WWOX: variants seen among roughly 807,000 people sequenced by gnomAD.
WWOX encodes the protein WW domain-containing oxidoreductase.
A neutral mutation model predicts 46.2 loss-of-function variants in WWOX; 69 were observed. That is an observed-to-expected ratio of 1.49 (90% CI 1.23 to 1.82). The LOEUF is 1.82. WWOX is among the 40% of genes most tolerant of loss of function. The pLI, the probability that WWOX is intolerant of heterozygous loss-of-function variation, is 0.00. For synonymous variants in WWOX, 359 were observed against 202.6 expected, an observed-to-expected ratio of 1.77 and a Z score of -6.56; for missense variants, 919 against 542.6, an observed-to-expected ratio of 1.69 and a Z score of -6.89.
chr16:79,016,957 C>G (rs1258969228), intron 8 of WWOX: 1 of 152,222 alleles, frequency 6.6e-6, no homozygotes, highest in African/African-American at 2.4e-5. Context: ...ACCTCGACCT[C>G]GAGAAGTGCT....
intron 5 of WWOX, among the ~76,000 whole-genome samples, chr16:78,331,939 C>T (rs1448688346): frequency 2.0e-5 from 3 of 152,098 alleles, no homozygotes; most frequent in African/African-American, 4.8e-5. Context: ...GAAGTTGGAG[C>T]TGGAATTTGA....
intron 8 of WWOX, among the ~76,000 whole-genome samples, chr16:79,078,579 C>T (rs1054637624): frequency 2.6e-5 from 4 of 152,176 alleles, no homozygotes; most frequent in Non-Finnish European, 4.4e-5. Flanking sequence ...CATCCCTCGC[C>T]ATAGGAGAAT....
intron 8 of WWOX, among the ~76,000 whole-genome samples, chr16:79,073,146 A>T (rs571994159): frequency 1.9e-5 from 2 of 106,002 alleles, no homozygotes; most frequent in African/African-American, 7.1e-5. Context: ...TATAGTAGTT[A>T]TTCGTTATTA....
chr16:78,493,162 A>T (rs960141020), intron 8 of WWOX, among the ~76,000 whole-genome samples: 1 of 152,056 alleles, frequency 6.6e-6, no homozygotes, highest in African/African-American at 2.4e-5. Context: ...GGCTCGAAAA[A>T]CTTCATGTCA....
chr16:79,085,211 C>T (rs567671836), intron 8 of WWOX, among the ~76,000 whole-genome samples: 15 of 152,212 alleles, frequency 9.9e-5, no homozygotes, highest in Non-Finnish European at 1.9e-4. Flanking sequence ...CTCTTTCTCT[C>T]ACTTGACTCT....
At chr16:78,965,812 A>C (rs1300161834) in intron 8 of WWOX, among the ~76,000 whole-genome samples, 2 of 152,082 alleles carry the variant, frequency 1.3e-5, no homozygotes, top group Non-Finnish European at 2.9e-5. Flanking sequence ...CTAGAGGCTT[A>C]TTGATTATTT....
At chr16:79,081,498 G>C (rs191807054) in intron 8 of WWOX, among the ~76,000 whole-genome samples, 1 of 152,116 alleles carries the variant, frequency 6.6e-6, no homozygotes, top group Non-Finnish European at 1.5e-5. Flanking sequence ...TTTTCATGGC[G>C]ATGTGTTATA....
intron 8 of WWOX, among the ~76,000 whole-genome samples, chr16:78,859,303 C>A (rs1199085278): frequency 6.6e-6 from 1 of 151,544 alleles, no homozygotes; most frequent in African/African-American, 2.4e-5. Flanking sequence ...TGATTTTTCC[C>A]CCCTGCTGAA....
chr16:78,462,553 G>A (rs2083976753), intron 8 of WWOX, among the ~76,000 whole-genome samples: 1 of 152,192 alleles, frequency 6.6e-6, no homozygotes, highest in African/African-American at 2.4e-5. Context: ...TTCAGTGTCT[G>A]CAAATGACAG....
intron 8 of WWOX, among the ~76,000 whole-genome samples, chr16:78,697,215 T>C (rs1400260307): frequency 1.3e-5 from 2 of 152,226 alleles, no homozygotes; most frequent in African/African-American, 4.8e-5. Context: ...GTAGTTCTAC[T>C]TTTAGTTCTT....
intron 8 of WWOX, among the ~76,000 whole-genome samples, chr16:78,486,187 T>G (rs2084631549): frequency 6.6e-6 from 1 of 152,164 alleles, no homozygotes; most frequent in African/African-American, 2.4e-5. Flanking sequence ...ATTTGCTGAT[T>G]ACTGTGGTGT....
At chr16:78,996,245 G>C (rs2046984983) in intron 8 of WWOX, 3 of 985,024 alleles carry the variant, frequency 3.0e-6, no homozygotes, top group Non-Finnish European at 3.6e-6. Context: ...CCTTGAAAAG[G>C]GCAGAGCTGA....
intron 5 of WWOX, among the ~76,000 whole-genome samples, chr16:78,207,305 A>C (rs1023170720): frequency 6.6e-6 from 1 of 152,194 alleles, no homozygotes; most frequent in African/African-American, 2.4e-5. Context: ...CTATTCTTCT[A>C]CATAAATTAT....
intron 8 of WWOX, among the ~76,000 whole-genome samples, chr16:78,475,376 T>G (rs925936008): frequency 6.6e-6 from 1 of 152,210 alleles, no homozygotes; most frequent in Non-Finnish European, 1.5e-5. Context: ...GTTGCTGAGA[T>G]AGGAGCTTTT....
intron 8 of WWOX, among the ~76,000 whole-genome samples, chr16:79,119,662 C>T (rs752766525): frequency 4.6e-5 from 7 of 152,198 alleles, no homozygotes; most frequent in Admixed American, 1.3e-4. Flanking sequence ...ACGAAGAGAA[C>T]GGGACTGTCC....
chr16:79,024,122 G>C (rs1206663198), intron 8 of WWOX, among the ~76,000 whole-genome samples: 1 of 152,212 alleles, frequency 6.6e-6, no homozygotes, highest in Non-Finnish European at 1.5e-5. Flanking sequence ...GAGAATGACT[G>C]CTAAAGCATT....
At chr16:78,431,441 T>C (rs893307109) in intron 7 of WWOX, among the ~76,000 whole-genome samples, 1 of 152,170 alleles carries the variant, frequency 6.6e-6, no homozygotes, top group Admixed American at 6.5e-5. Flanking sequence ...AATGAAAATA[T>C]ACAGGACTCA....
At chr16:79,024,026 T>A (rs888200277) in intron 8 of WWOX, among the ~76,000 whole-genome samples, 2 of 152,096 alleles carry the variant, frequency 1.3e-5, no homozygotes, top group Non-Finnish European at 2.9e-5. Flanking sequence ...CATGTGAATC[T>A]GTGTATACAA....
chr16:78,901,356 C>T (rs954155550), intron 8 of WWOX, among the ~76,000 whole-genome samples: 4 of 152,172 alleles, frequency 2.6e-5, no homozygotes, highest in Admixed American at 6.5e-5. Context: ...AATATTTTCA[C>T]GGAAATATTT....
Sources: allele counts gnomAD v4.1 joint callset (sites outside exome capture counted in the v4.1 genomes callset), GRCh38; gene constraint gnomAD v4.1.1; transcripts MANE v1.5; gene names NCBI Gene and HGNC (gene_info 2026-07-23, HGNC 2026-07-21).